Variants in CYTH3 observed in about 807,000 individuals in gnomAD.
CYTH3 encodes the protein cytohesin-3.
A neutral mutation model predicts 55.1 loss-of-function variants in CYTH3; 23 were observed. The ratio of observed to expected loss-of-function variants is 0.42; its 90% CI spans 0.30 to 0.59. The LOEUF (loss-of-function observed/expected upper bound fraction) is 0.59, where lower values mean the gene tolerates loss of function less well. Among genes scored for constraint, CYTH3 ranks in the 20% least tolerant of loss-of-function variants. The probability of loss-of-function intolerance (pLI) is 0.20; values close to 1 mark genes in which losing one functional copy is unlikely to be tolerated. For missense variants in CYTH3, 413 were observed against 524.8 expected (o/e 0.79, Z 2.08); for synonymous variants, 249 against 194.9 (o/e 1.28, Z -2.31).
At chr7:6,173,813 G>T in intron 5 of CYTH3, 80 bp from the exon 6 acceptor site, 2 of 841,356 alleles carry the variant, frequency 2.4e-6, no homozygotes, top group Non-Finnish European at 4.1e-6. Context: ...TGAATAATGT[G>T]GCTATGAACG....
At chr7:6,208,931 C>T (rs1207861745) in intron 1 of CYTH3, among the ~76,000 whole-genome samples, 1 of 152,196 alleles carries the variant, frequency 6.6e-6, no homozygotes, top group East Asian at 1.9e-4. Flanking sequence ...AGACCCTATC[C>T]CAAACCTACC....
At position 6,177,761 on chromosome 7, in the gene CYTH3, C is replaced by T. The variant is rs915064046; in HGVS notation, c.368+62G>A. 1.1e-5 allele frequency: 15 copies of T among 1,312,410 alleles called. No individual in the cohort carries two copies. The Admixed American group carries it at 2.6e-4, about 23-fold the overall frequency. The allele number at this position is 1,312,410 out of a possible 1,614,324, so 81.3% of individuals were successfully genotyped here. The stretch of plus-strand genomic sequence containing the variant: ...GATGGCCCCGAAAGTGGAGCGTGAG[C>T]CTAGGTCAAGCTGCAGGGCTGAGTG... On this transcript the variant is annotated intron_variant, in intron 5 of 12. Coordinates refer to ENST00000350796, the MANE Select transcript of CYTH3 (RefSeq NM_004227.4).
At chr7:6,178,877 T>C (rs960078776) in intron 4 of CYTH3, among the ~76,000 whole-genome samples, 11 of 152,170 alleles carry the variant, frequency 7.2e-5, no homozygotes, top group African/African-American at 2.7e-4. Flanking sequence ...CAGGAACCTA[T>C]TAATAGAAAT....
In CYTH3 at chr7:6,180,044, T is replaced by G. The variant is rs573562469; in HGVS notation, c.250-2103A>C. Reference sequence around the variant, plus strand: ...AAAGACAGTGCTGGGGCTTTGCTATTGGCTCTAAGTGAGGAAAACAAGTGA... The same window carrying G: ...AAAGACAGTGCTGGGGCTTTGCTATGGGCTCTAAGTGAGGAAAACAAGTGA... On this transcript the variant is annotated intron_variant, in intron 4 of 12. Coordinates refer to ENST00000350796, the MANE Select transcript of CYTH3 (RefSeq NM_004227.4). 1.3e-3 allele frequency among the ~76,000 whole-genome samples: 196 copies of G among 152,236 alleles called. 1 individual carries two copies. The highest frequency in any genetic ancestry group is 9.7e-4 in the Non-Finnish European group (66 of 68,002).
chr7:6,207,475 G>T (rs1462339004), intron 1 of CYTH3, among the ~76,000 whole-genome samples: 1 of 152,074 alleles, frequency 6.6e-6, no homozygotes, highest in African/African-American at 2.4e-5. Flanking sequence ...ATTCAAACTT[G>T]ATGTTTGAGT....
chr7:6,251,121 A>C (rs1462656356), intron 1 of CYTH3, among the ~76,000 whole-genome samples: 2 of 152,174 alleles, frequency 1.3e-5, no homozygotes, highest in East Asian at 3.8e-4. Context: ...CTAAAAATAG[A>C]AAAATTAGCT....
At chr7:6,216,559 C>T (rs969379232) in intron 1 of CYTH3, among the ~76,000 whole-genome samples, 3 of 151,530 alleles carry the variant, frequency 2.0e-5, no homozygotes, top group African/African-American at 7.3e-5. Flanking sequence ...GTCAACACCG[C>T]AAGACCCCAT....
At chr7:6,179,879 ACACACACCACACACACC>A in intron 4 of CYTH3, among the ~76,000 whole-genome samples, 1 of 136,530 alleles carries the variant, frequency 7.3e-6, no homozygotes, top group South Asian at 2.4e-4. Flanking sequence ...CACACACACC[ACACACACCACACACACC>A]CACACACAAC....
At chr7:6,267,518 C>T (rs913052815) in intron 1 of CYTH3, among the ~76,000 whole-genome samples, 2 of 152,118 alleles carry the variant, frequency 1.3e-5, no homozygotes, top group Non-Finnish European at 2.9e-5. Context: ...CTTTTTGTTG[C>T]GGTCTTCCCA....
intron 1 of CYTH3, among the ~76,000 whole-genome samples, chr7:6,214,926 CTTGATT>C (rs1784393147): frequency 6.6e-6 from 1 of 151,644 alleles, no homozygotes. Flanking sequence ...ATTTTCTTAT[CTTGATT>C]TTGATTGGCT....
chr7:6,237,825 T>TAA (rs1779565222), intron 1 of CYTH3, among the ~76,000 whole-genome samples: 1 of 152,354 alleles, frequency 6.6e-6, no homozygotes, highest in Non-Finnish European at 1.5e-5. Flanking sequence ...CTACTACTTG[T>TAA]AAATGTATGT....
At chr7:6,200,177 TACTTTCTA>T (rs1387112064) in intron 1 of CYTH3, among the ~76,000 whole-genome samples, 3 of 152,248 alleles carry the variant, frequency 2.0e-5, no homozygotes, top group Non-Finnish European at 2.9e-5. Context: ...GTTGATTCAG[TACTTTCTA>T]ACTTTCAAGT....
intron 1 of CYTH3, among the ~76,000 whole-genome samples, chr7:6,255,767 T>G (rs950015742): frequency 2.1e-5 from 3 of 144,198 alleles, no homozygotes; most frequent in African/African-American, 5.2e-5. Flanking sequence ...TGTTTTTTTT[T>G]TTTTTTTTTT....
chr7:6,259,806 T>TA (rs1562417956), intron 1 of CYTH3, among the ~76,000 whole-genome samples: 2 of 30,182 alleles, frequency 6.6e-5, no homozygotes, highest in African/African-American at 4.1e-4. Flanking sequence ...TATATATATA[T>TA]ATATATAATA....
At chr7:6,233,333 C>T (rs1046571854) in intron 1 of CYTH3, among the ~76,000 whole-genome samples, 1 of 152,202 alleles carries the variant, frequency 6.6e-6, no homozygotes, top group Non-Finnish European at 1.5e-5. Context: ...TTAGCTTTGA[C>T]CCATATCTAA....
chr7:6,266,105 C>A (rs1366309249), intron 1 of CYTH3, among the ~76,000 whole-genome samples: 1 of 152,076 alleles, frequency 6.6e-6, no homozygotes, highest in Non-Finnish European at 1.5e-5. Context: ...CACCCTAACC[C>A]ACCAAGCCCC....
intron 1 of CYTH3, among the ~76,000 whole-genome samples, chr7:6,271,810 G>C (rs553446042): frequency 6.6e-6 from 1 of 152,292 alleles, no homozygotes; most frequent in South Asian, 2.1e-4. Flanking sequence ...GGTGCAGCTC[G>C]TGTCTCCCAC....
intron 1 of CYTH3, among the ~76,000 whole-genome samples, chr7:6,202,838 A>G (rs1355324763): frequency 2.0e-5 from 3 of 152,234 alleles, no homozygotes; most frequent in African/African-American, 4.8e-5. Flanking sequence ...TACAATGAAC[A>G]TAAGTGAAAA....
intron 1 of CYTH3, among the ~76,000 whole-genome samples, chr7:6,214,786 G>A (rs553501576): frequency 4.7e-4 from 71 of 151,954 alleles, no homozygotes; most frequent in African/African-American, 1.7e-3. Flanking sequence ...GATTTCCCAC[G>A]GTAATATCAA....
Sources: gnomAD v4.1 joint callset for allele counts (sites outside exome capture counted in the v4.1 genomes callset) on GRCh38, gnomAD v4.1.1 for gene constraint, MANE v1.5 for transcripts, NCBI Gene and HGNC (gene_info 2026-07-23, HGNC 2026-07-21) for gene names.